Variants in DGKB observed in about 807,000 individuals in gnomAD.
DGKB encodes 90 kDa diacylglycerol kinase.
A neutral mutation model predicts 114.3 loss-of-function variants in DGKB; 67 were observed. The ratio of observed to expected loss-of-function variants is 0.59; its 90% CI spans 0.48 to 0.72. DGKB has a LOEUF of 0.72. DGKB is among the 30% of genes least tolerant of loss of function. The pLI is 0.00. For synonymous variants in DGKB, 398 were observed against 323.1 expected, an observed-to-expected ratio of 1.23 and a Z score of -2.49; for missense variants, 907 against 975.2, an observed-to-expected ratio of 0.93 and a Z score of 0.93.
At chr7:14,200,856 C>T in intron 23 of DGKB, among the ~76,000 whole-genome samples, 1 of 151,794 alleles carries the variant, frequency 6.6e-6, no homozygotes, top group East Asian at 1.9e-4. Flanking sequence ...TTAGGAAAAG[C>T]CTAAAAAGTT....
At chr7:14,161,255 C>T (rs758589394) in intron 25 of DGKB, among the ~76,000 whole-genome samples, 9 of 152,230 alleles carry the variant, frequency 5.9e-5, no homozygotes, top group East Asian at 3.9e-4. Context: ...GACAGTGTGG[C>T]GATTTCTCAA....
intron 21 of DGKB, among the ~76,000 whole-genome samples, chr7:14,373,851 T>C (rs1818066827): frequency 6.6e-6 from 1 of 152,114 alleles, no homozygotes; most frequent in African/African-American, 2.4e-5. Context: ...CATTTTTTCA[T>C]TTTTCATTTT....
At chr7:14,228,015 G>T (rs1027800621) in intron 23 of DGKB, among the ~76,000 whole-genome samples, 1 of 151,964 alleles carries the variant, frequency 6.6e-6, no homozygotes, top group Admixed American at 6.6e-5. Context: ...TGCTGAACTA[G>T]CTACAGTATA....
rs113847560 is a variant in DGKB, at chr7:14,840,771, A to G, written c.70+423T>C. Among the ~76,000 whole-genome samples the G allele has an allele frequency of 3.9e-3, 583 of 149,660 alleles. 3 individuals are homozygous for G. The highest frequency in any genetic ancestry group is 0.013 in the African/African-American group (550 of 40,772). Reference sequence around the variant, plus strand: ...CTCTCCCTTTTCCCTCCCTCTTGATATCTATGAGTCAGACCATACTGTCTC... The same window carrying G: ...CTCTCCCTTTTCCCTCCCTCTTGATGTCTATGAGTCAGACCATACTGTCTC... On this transcript the variant is annotated intron_variant, in intron 2 of 25. Coordinates refer to ENST00000402815, the MANE Select transcript of DGKB (RefSeq NM_001350709.2).
At chr7:14,497,832 G>A (rs934700747) in intron 20 of DGKB, among the ~76,000 whole-genome samples, 3 of 151,806 alleles carry the variant, frequency 2.0e-5, no homozygotes, top group Non-Finnish European at 4.4e-5. Flanking sequence ...TTCTGTTCTA[G>A]GAGATGGCTT....
At chr7:14,786,644 C>T (rs2098146) in intron 2 of DGKB, among the ~76,000 whole-genome samples, 8,899 of 152,294 alleles carry the variant, frequency 0.058, 376 homozygotes, top group Admixed American at 0.11. Context: ...GGCTTCTCCT[C>T]GCTCCTGGCA....
intron 23 of DGKB, among the ~76,000 whole-genome samples, chr7:14,287,199 T>A (rs1801010588): frequency 6.6e-6 from 1 of 152,098 alleles, no homozygotes; most frequent in Non-Finnish European, 1.5e-5. Context: ...CATAACAGAA[T>A]AAAATTTAGG....
chr7:14,530,192 G>A (rs1306840076), intron 20 of DGKB, among the ~76,000 whole-genome samples: 1 of 151,278 alleles, frequency 6.6e-6, no homozygotes, highest in Non-Finnish European at 1.5e-5. Context: ...ATTTACAATT[G>A]CTTTTCAAAA....
intron 23 of DGKB, among the ~76,000 whole-genome samples, chr7:14,256,013 A>G (rs986140328): frequency 6.6e-6 from 1 of 152,184 alleles, no homozygotes; most frequent in South Asian, 2.1e-4. Flanking sequence ...CTAGCTTTTT[A>G]AGGTAGTGTT....
chr7:14,828,309 T>C (rs1845967906), intron 2 of DGKB, among the ~76,000 whole-genome samples: 1 of 152,040 alleles, frequency 6.6e-6, no homozygotes, highest in Non-Finnish European at 1.5e-5. Context: ...GTGATTTCCA[T>C]TAATTCAAAG....
At chr7:14,200,072 C>T (rs1785603730) in intron 23 of DGKB, among the ~76,000 whole-genome samples, 2 of 151,980 alleles carry the variant, frequency 1.3e-5, no homozygotes, top group Non-Finnish European at 2.9e-5. Context: ...GGCCAACATG[C>T]CACTGCATAG....
At chr7:14,716,516 A>G (rs1299220293) in intron 6 of DGKB, among the ~76,000 whole-genome samples, 5 of 152,178 alleles carry the variant, frequency 3.3e-5, no homozygotes, top group Non-Finnish European at 7.4e-5. Context: ...TCTATATTGT[A>G]TTTAGTAAAT....
At position 14,503,506 on chromosome 7, in the gene DGKB, A is replaced by G. The variant is rs887770601; in HGVS notation, c.1771-25281T>C. ...CTTTACTTAATATAAAATGTTAATCATTTAATTATATTGGGAGTACCCTTG... is the reference window on the plus strand; with the variant it reads ...CTTTACTTAATATAAAATGTTAATCGTTTAATTATATTGGGAGTACCCTTG... On this transcript the variant is annotated intron_variant, in intron 20 of 25. Coordinates refer to ENST00000402815, the MANE Select transcript of DGKB (RefSeq NM_001350709.2). Among the ~76,000 whole-genome samples, 10 of 152,264 alleles carry G rather than the reference A, an allele frequency of 6.6e-5. 1 individual carries two copies. The South Asian group carries it at 1.4e-3, about 22-fold the overall frequency.
At chr7:14,191,666 G>A (rs908328635) in intron 23 of DGKB, 18 of 308,932 alleles carry the variant, frequency 5.8e-5, no homozygotes, top group Non-Finnish European at 9.3e-5. Flanking sequence ...GGCTTTGAGC[G>A]AAACTCTTCT....
intron 1 of DGKB, among the ~76,000 whole-genome samples, chr7:14,882,650 C>A (rs1854415727): frequency 6.6e-6 from 1 of 151,866 alleles, no homozygotes; most frequent in African/African-American, 2.4e-5. Flanking sequence ...TACCCATGTG[C>A]ACAGTTTTTA....
chr7:14,593,468 T>A (rs936926033), intron 17 of DGKB, among the ~76,000 whole-genome samples: 6 of 152,048 alleles, frequency 3.9e-5, no homozygotes, highest in Non-Finnish European at 8.8e-5. Flanking sequence ...AAACATCAAA[T>A]TTTTAATGTC....
At chr7:14,174,977 G>C (rs1781511540) in intron 25 of DGKB, among the ~76,000 whole-genome samples, 1 of 152,220 alleles carries the variant, frequency 6.6e-6, no homozygotes, top group Admixed American at 6.5e-5. Context: ...CAAAGATGAA[G>C]TAATGTTTAT....
intron 4 of DGKB, among the ~76,000 whole-genome samples, chr7:14,743,165 G>A (rs73682524): frequency 0.052 from 7,918 of 152,144 alleles, 304 homozygotes; most frequent in Admixed American, 0.11. Context: ...TGTCTATAAG[G>A]TTTCATTAGA....
At chr7:14,952,978 A>G (rs1019296894) in intron 1 of DGKB, among the ~76,000 whole-genome samples, 1 of 152,112 alleles carries the variant, frequency 6.6e-6, no homozygotes, top group African/African-American at 2.4e-5. Context: ...GGTCATTTCA[A>G]CAAATGGTGT....
Sources: allele counts gnomAD v4.1 joint callset (sites outside exome capture counted in the v4.1 genomes callset), GRCh38; gene constraint gnomAD v4.1.1; transcripts MANE v1.5; gene names NCBI Gene and HGNC (gene_info 2026-07-23, HGNC 2026-07-21).